Variants in PTPN13 observed in about 807,000 individuals in gnomAD.
The protein encoded by PTPN13 is protein tyrosine phosphatase non-receptor type 13.
Under a neutral mutation model 284.0 loss-of-function variants are expected in PTPN13, and 191 were observed. The observed-to-expected ratio is 0.67, with a 90% confidence interval of 0.60 to 0.76. The LOEUF is 0.76. Ranked by LOEUF, PTPN13 falls within the 30% of genes least tolerant of loss-of-function variation. The pLI is 0.00. For missense variants in PTPN13, 2,797 were observed against 2,939.9 expected (o/e 0.95, Z 1.12); for synonymous variants, 986 against 1,022.3 (o/e 0.96, Z 0.68).
At chr4:86,776,945 C>T (rs1364920540) in intron 35 of PTPN13, among the ~76,000 whole-genome samples, 1 of 152,096 alleles carries the variant, frequency 6.6e-6, no homozygotes, top group African/African-American at 2.4e-5. Flanking sequence ...TGGCTCATTC[C>T]CAGAGCTGGG....
At chr4:86,660,194 T>C (rs1490477992) in intron 2 of PTPN13, among the ~76,000 whole-genome samples, 1 of 152,202 alleles carries the variant, frequency 6.6e-6, no homozygotes, top group East Asian at 1.9e-4. Context: ...TAAAGCAGTC[T>C]AAGGGTCGAT....
At chr4:86,660,149 C>T (rs1481007591) in intron 2 of PTPN13, among the ~76,000 whole-genome samples, 3 of 152,056 alleles carry the variant, frequency 2.0e-5, no homozygotes, top group African/African-American at 7.2e-5. Context: ...ATAAGTAAAA[C>T]AGTAGTATGT....
rs1395011169 is a variant in PTPN13 at position 86,732,784 on chromosome 4, A to G, written c.1858+18A>G. The G allele has an allele frequency of 2.5e-6, 4 of 1,606,094 alleles. No individual in the cohort carries two copies. The highest frequency in any genetic ancestry group is 3.4e-6 in the Non-Finnish European group (4 of 1,174,730). On this transcript the variant is annotated intron_variant, in intron 12 of 47. Transcript: ENST00000411767. ...CCTCAAAGGTACCAAGACATTTTAT[A>G]TTCAGAGTACAGTATAGAAATTTAG...
In PTPN13 at chr4:86,785,289, G is replaced by A; in HGVS notation, c.6177G>A (p.Gln2059=). 1.2e-6 allele frequency: 2 copies of A among 1,604,176 alleles called. No homozygotes were observed. Among genetic ancestry groups the A allele is most frequent in the Non-Finnish European group, 1.7e-6 (2 of 1,172,260 alleles). ...ATTCCCAAGAAGCTGAAGTTATCCA[G>A]TCTCTGCTGGATGTTGTGGATGAGG... ...YDDSQEAEVI[Q]SLLDVVDEEA... is the part of the protein sequence containing the mutation. Residue 2059 remains glutamine, a synonymous_variant, in exon 39 of 48, where the codon CAG becomes CAA. Coordinates refer to ENST00000411767, the MANE Select transcript of PTPN13 (RefSeq NM_080683.3).
chr4:86,614,043 G>A (rs963855552), intron 1 of PTPN13, among the ~76,000 whole-genome samples: 2 of 152,114 alleles, frequency 1.3e-5, no homozygotes, highest in Non-Finnish European at 2.9e-5. Context: ...GTTTTTAAGG[G>A]TAAGGGGCTC....
At chr4:86,606,133 A>T (rs773630782) in intron 1 of PTPN13, among the ~76,000 whole-genome samples, 2 of 151,878 alleles carry the variant, frequency 1.3e-5, no homozygotes, top group African/African-American at 2.4e-5. Flanking sequence ...TGAATTAAAG[A>T]TATTTATCAT....
intron 3 of PTPN13, among the ~76,000 whole-genome samples, chr4:86,684,736 T>G (rs891181880): frequency 6.6e-6 from 1 of 151,896 alleles, no homozygotes; most frequent in Non-Finnish European, 1.5e-5. Flanking sequence ...AGGAGCCGAG[T>G]AAATAAAGAC....
At chr4:86,803,671 C>CT in intron 42 of PTPN13, 38 bp from the exon 43 acceptor site, 2 of 1,604,998 alleles carry the variant, frequency 1.2e-6, no homozygotes, top group Non-Finnish European at 1.7e-6. Flanking sequence ...TAAATTGGTT[C>CT]TGGAGGAACT....
At chr4:86,783,955 A>G (rs1342751241) in intron 37 of PTPN13, among the ~76,000 whole-genome samples, 2 of 151,984 alleles carry the variant, frequency 1.3e-5, no homozygotes, top group Non-Finnish European at 2.9e-5. Flanking sequence ...AAATCTTTAT[A>G]CCTAATAGAT....
At chr4:86,777,412 A>C (rs1177518199) in intron 35 of PTPN13, among the ~76,000 whole-genome samples, 1 of 152,006 alleles carries the variant, frequency 6.6e-6, no homozygotes, top group Non-Finnish European at 1.5e-5. Context: ...TCCCTCTTTC[A>C]CTTATTAGGA....
At chr4:86,785,990 T>C (rs1003957384) in intron 40 of PTPN13, 54 bp downstream of exon 40, 8 of 995,954 alleles carry the variant, frequency 8.0e-6, no homozygotes, top group East Asian at 2.9e-5. Flanking sequence ...CAATTATGGG[T>C]TTAACCCAGA....
chr4:86,597,180 T>TC (rs397881495), intron 1 of PTPN13, among the ~76,000 whole-genome samples: 6 of 151,392 alleles, frequency 4.0e-5, no homozygotes, highest in Admixed American at 2.0e-4. Context: ...TTTTTTTTTT[T>TC]CCCTGAAAAA....
rs763945262 is a variant in PTPN13 at position 86,693,647 on chromosome 4, C to G, written c.607C>G (p.Arg203Gly). Residue 203 changes from arginine to glycine, a missense_variant, in exon 6 of 48, where the codon CGA (arginine) becomes GGA (glycine). By Grantham distance (125) the Arg-to-Gly change is moderately radical. Coordinates refer to ENST00000411767, the MANE Select transcript of PTPN13 (RefSeq NM_080683.3). Reference protein sequence around the residue: ...KPDRSQAIRDRLRGKGLPTGR... With the variant: ...KPDRSQAIRDGLRGKGLPTGR... ...TGATCGAAGCCAGGCTATTCGAGAT[C>G]GATTGCGAGGAAAAGGATTACCAAC... is the stretch of plus-strand genomic sequence containing the variant. 2.6e-6 allele frequency: 4 copies of G among 1,554,306 alleles called. No homozygotes were observed. In the Admixed American group the frequency reaches 7.7e-5, roughly 30 times the overall value.
intron 3 of PTPN13, among the ~76,000 whole-genome samples, chr4:86,677,743 A>G (rs1008416955): frequency 2.0e-5 from 3 of 151,842 alleles, no homozygotes; most frequent in Admixed American, 6.6e-5. Flanking sequence ...TCACCATACT[A>G]TGTTCCACTA....
intron 37 of PTPN13, among the ~76,000 whole-genome samples, chr4:86,784,109 A>T (rs1741639305): frequency 6.6e-6 from 1 of 152,110 alleles, no homozygotes; most frequent in Non-Finnish European, 1.5e-5. Flanking sequence ...AAGTCTTATA[A>T]AATTGCTTCA....
chr4:86,648,131 T>C (rs1724649590), intron 2 of PTPN13, among the ~76,000 whole-genome samples: 1 of 152,148 alleles, frequency 6.6e-6, no homozygotes. Flanking sequence ...TTGAGGTACA[T>C]GTGATATTTT....
At chr4:86,775,095 A>G in intron 33 of PTPN13, 76 bp from the exon 34 acceptor site, 1 of 1,031,974 alleles carries the variant, frequency 9.7e-7, no homozygotes, top group Non-Finnish European at 1.4e-6. Context: ...TAGGAGGATT[A>G]TTGTATTTTC....
At chr4:86,674,352 G>A (rs917713110) in intron 3 of PTPN13, among the ~76,000 whole-genome samples, 1 of 152,116 alleles carries the variant, frequency 6.6e-6, no homozygotes, top group African/African-American at 2.4e-5. Context: ...TAGCAAAATT[G>A]TTAAATCAAA....
At chr4:86,811,960 GTTCA>G (rs2149396253) in intron 47 of PTPN13, among the ~76,000 whole-genome samples, 1 of 152,264 alleles carries the variant, frequency 6.6e-6, no homozygotes. Context: ...CACCTAGAAA[GTTCA>G]TTCATTCATT....
Sources: gnomAD v4.1 joint callset for allele counts (sites outside exome capture counted in the v4.1 genomes callset) on GRCh38, gnomAD v4.1.1 for gene constraint, MANE v1.5 for transcripts, NCBI Gene and HGNC (gene_info 2026-07-23, HGNC 2026-07-21) for gene names.